The following MTUS1 variants were observed in gnomAD, a reference collection of about 807,000 sequenced individuals.
MTUS1 encodes microtubule associated scaffold protein 1.
A neutral mutation model predicts 120.8 loss-of-function variants in MTUS1; 109 were observed. That is an observed-to-expected ratio of 0.90 (90% CI 0.77 to 1.06). The LOEUF (loss-of-function observed/expected upper bound fraction) is 1.06, where lower values mean the gene tolerates loss of function less well. Among genes scored for constraint, MTUS1 ranks in the 50% least tolerant of loss-of-function variants. The pLI, the probability that MTUS1 is intolerant of heterozygous loss-of-function variation, is 0.00. For missense variants in MTUS1, 2,210 were observed against 1,486.3 expected (o/e 1.49, Z -8.01); for synonymous variants, 737 against 550.5 (o/e 1.34, Z -4.74).
chr8:17,740,667 G>A lies in MTUS1; in HGVS notation c.2287+2937C>T, dbSNP rs550422364. Among the ~76,000 whole-genome samples, 8 of 152,160 alleles carry A rather than the reference G, an allele frequency of 5.3e-5. No individual in the cohort carries two copies. The East Asian group carries it at 1.2e-3, about 22-fold the overall frequency. ...TAGAATCAAATTAGTCTTCTTAGTC[G>A]GCTCAGGCTGCCATAATAGTAATAA... On this transcript the variant is annotated intron_variant, in intron 3 of 14. Coordinates refer to ENST00000693296, the MANE Select transcript of MTUS1 (RefSeq NM_001363059.2).
At chr8:17,662,059 C>T (rs779279560) in intron 8 of MTUS1, among the ~76,000 whole-genome samples, 12 of 152,192 alleles carry the variant, frequency 7.9e-5, no homozygotes, top group African/African-American at 1.2e-4. Flanking sequence ...GTGTGTGTGG[C>T]GGTGGGGGGC....
chr8:17,771,205 C>G (rs2049996870), intron 1 of MTUS1, among the ~76,000 whole-genome samples: 1 of 152,090 alleles, frequency 6.6e-6, no homozygotes. Context: ...ATAAAATAAT[C>G]TGTGTAAGGA....
At chr8:17,744,561 C>G (rs765377578) in intron 2 of MTUS1, among the ~76,000 whole-genome samples, 1 of 151,964 alleles carries the variant, frequency 6.6e-6, no homozygotes, top group Non-Finnish European at 1.5e-5. Context: ...GCTGGGATTA[C>G]GGGTGCACAC....
At position 17,653,635 on chromosome 8, in the gene MTUS1, T is replaced by G. The variant is rs150049503; in HGVS notation, c.3215-137A>C. The G allele has an allele frequency of 3.5e-3, 2,225 of 641,954 alleles. 14 individuals carry two copies. The highest frequency in any genetic ancestry group is 4.5e-3 in the Non-Finnish European group (1,731 of 385,594). 39.8% of individuals were successfully genotyped at this position (641,954 alleles called of 1,614,324 possible). ...ACTTTACATCTATAGTATGCTTTTATGTAAATTGGCCATCTGTTCTCAAAA... is the reference window on the plus strand; with the variant it reads ...ACTTTACATCTATAGTATGCTTTTAGGTAAATTGGCCATCTGTTCTCAAAA... On this transcript the variant is annotated intron_variant, in intron 10 of 14. Coordinates refer to ENST00000693296, the MANE Select transcript of MTUS1 (RefSeq NM_001363059.2).
chr8:17,737,615 G>A (rs1412693336), intron 3 of MTUS1, among the ~76,000 whole-genome samples: 3 of 152,104 alleles, frequency 2.0e-5, no homozygotes, highest in Non-Finnish European at 4.4e-5. Flanking sequence ...AGCCTCCTGA[G>A]TAGCAAGGAC....
At chr8:17,747,587 C>G (rs924940919) in intron 2 of MTUS1, among the ~76,000 whole-genome samples, 1 of 152,322 alleles carries the variant, frequency 6.6e-6, no homozygotes, top group South Asian at 2.1e-4. Context: ...TTTGCCCACT[C>G]TCTCCTAATT....
At chr8:17,800,919 GC>G (rs1202881953) in intron 1 of MTUS1, 141 bp downstream of exon 1, 2 of 152,644 alleles carry the variant, frequency 1.3e-5, no homozygotes, top group African/African-American at 4.8e-5. Context: ...GCCCCCTTTA[GC>G]CCTCAGCTTC....
chr8:17,710,811 T>A (rs144146112), intron 6 of MTUS1, among the ~76,000 whole-genome samples: 1 of 152,330 alleles, frequency 6.6e-6, no homozygotes, highest in Non-Finnish European at 1.5e-5. Context: ...TCAAAATTAC[T>A]CCTTGATCCA....
At chr8:17,687,061 G>T (rs1815965290) in intron 6 of MTUS1, among the ~76,000 whole-genome samples, 1 of 152,200 alleles carries the variant, frequency 6.6e-6, no homozygotes, top group South Asian at 2.1e-4. Context: ...CGCAGGGTTT[G>T]TAAGTGATTA....
At chr8:17,720,521 G>C (rs1159832490) in intron 4 of MTUS1, among the ~76,000 whole-genome samples, 5 of 152,240 alleles carry the variant, frequency 3.3e-5, no homozygotes, top group African/African-American at 4.8e-5. Flanking sequence ...AATGCAAATA[G>C]CTTTGGTCTG....
chr8:17,706,741 A>T (rs1176462842), intron 6 of MTUS1, among the ~76,000 whole-genome samples: 1 of 152,242 alleles, frequency 6.6e-6, no homozygotes, highest in Non-Finnish European at 1.5e-5. Flanking sequence ...TGTTCATCAT[A>T]GAATCATTTA....
chr8:17,743,294 T>C (rs571889945), intron 3 of MTUS1, among the ~76,000 whole-genome samples: 1 of 152,314 alleles, frequency 6.6e-6, no homozygotes, highest in Non-Finnish European at 1.5e-5. Context: ...GTTAAGCACT[T>C]AACCATTTGA....
intron 10 of MTUS1, chr8:17,653,769 C>T (rs1807578853): frequency 3.1e-6 from 1 of 325,502 alleles, no homozygotes; most frequent in Non-Finnish European, 5.5e-6. Context: ...TAGGACAACA[C>T]TGAGTGCCAT....
chr8:17,746,577 CACT>C (rs1310667903), intron 2 of MTUS1, among the ~76,000 whole-genome samples: 1 of 152,110 alleles, frequency 6.6e-6, no homozygotes, highest in Non-Finnish European at 1.5e-5. Context: ...GAGACTTACT[CACT>C]ACCACAAGAA....
intron 2 of MTUS1, among the ~76,000 whole-genome samples, chr8:17,744,017 A>T (rs1356673213): frequency 6.6e-6 from 1 of 152,214 alleles, no homozygotes; most frequent in East Asian, 1.9e-4. Context: ...AGAAACCTTA[A>T]GTCAGACAAA....
At chr8:17,706,987 G>A (rs1404858303) in intron 6 of MTUS1, among the ~76,000 whole-genome samples, 2 of 152,080 alleles carry the variant, frequency 1.3e-5, no homozygotes, top group Admixed American at 6.5e-5. Flanking sequence ...TAGAACTAAG[G>A]AATATGAAGT....
intron 1 of MTUS1, among the ~76,000 whole-genome samples, chr8:17,793,685 A>C (rs1168227519): frequency 6.6e-6 from 1 of 152,182 alleles, no homozygotes; most frequent in Non-Finnish European, 1.5e-5. Context: ...AAGAGACGCC[A>C]AAGAGTACAG....
At chr8:17,797,955 G>A (rs933027027) in intron 1 of MTUS1, among the ~76,000 whole-genome samples, 3 of 152,070 alleles carry the variant, frequency 2.0e-5, no homozygotes, top group Non-Finnish European at 4.4e-5. Context: ...ATACTTTGCT[G>A]AGTAGCAGTA....
chr8:17,666,031 G>C (rs1810824451), intron 8 of MTUS1, among the ~76,000 whole-genome samples: 1 of 149,594 alleles, frequency 6.7e-6, no homozygotes. Flanking sequence ...AGAGAAGCCT[G>C]CAAAGGCCAT....
Sources: allele counts gnomAD v4.1 joint callset (sites outside exome capture counted in the v4.1 genomes callset), GRCh38; gene constraint gnomAD v4.1.1; transcripts MANE v1.5; gene names NCBI Gene and HGNC (gene_info 2026-07-23, HGNC 2026-07-21).